GALNT9: variants seen among roughly 807,000 people sequenced by gnomAD.
GALNT9 encodes polypeptide N-acetylgalactosaminyltransferase 9.
GALNT9 carries 47 observed loss-of-function variants against 63.1 expected under a neutral mutation model. That is an observed-to-expected ratio of 0.75 (90% CI 0.59 to 0.95). The LOEUF (loss-of-function observed/expected upper bound fraction) is 0.95, where lower values mean the gene tolerates loss of function less well. Ranked by LOEUF, GALNT9 falls within the 40% of genes least tolerant of loss-of-function variation. GALNT9 has a pLI of 0.00. For missense variants in GALNT9, 829 were observed against 874.8 expected (o/e 0.95, Z 0.66); for synonymous variants, 396 against 365.7 (o/e 1.08, Z -0.94).
chr12:132,200,802 G>A, intron 8 of GALNT9: 1 of 363,148 alleles, frequency 2.8e-6, no homozygotes, highest in Non-Finnish European at 5.1e-6. Flanking sequence ...GAACACGCAT[G>A]GATGTGACTA....
At position 132,315,033 on chromosome 12, in the gene GALNT9, G is replaced by A. The variant is rs147825855; in HGVS notation, c.238+13933C>T. On this transcript the variant is annotated intron_variant, in intron 1 of 10. Coordinates refer to ENST00000328957, the MANE Select transcript of GALNT9 (RefSeq NM_001122636.2). This position sits in a 1 kb window ranked among gnomAD's most constrained non-coding sequence, Gnocchi z 6.1. ...CGTCCTCACAACAGAGGTGAGTGCT[G>A]TTCTCACCCCAATTTACAGATGAGG... Among the ~76,000 whole-genome samples, 451 of 152,342 alleles carry A rather than the reference G, an allele frequency of 3.0e-3. 1 individual carries two copies. The highest frequency in any genetic ancestry group is 9.8e-3 in the African/African-American group (406 of 41,574).
chr12:132,303,378 C>CA (rs1555244051), intron 1 of GALNT9, among the ~76,000 whole-genome samples: 6 of 147,364 alleles, frequency 4.1e-5, no homozygotes, highest in Non-Finnish European at 7.4e-5. Flanking sequence ...GCAGCACCCT[C>CA]TCCGGGGCAC....
Position 132,265,245 on chromosome 12 carries a change from C to T in GALNT9, c.420-2620G>A, listed in dbSNP as rs1394225986. Among the ~76,000 whole-genome samples the T allele has an allele frequency of 1.3e-5, 2 of 152,218 alleles. No homozygotes were observed. Among genetic ancestry groups the T allele is most frequent in the Non-Finnish European group, 2.9e-5 (2 of 68,042 alleles). ...GCCCCCAGCCTTGTCCTCCTGCGCT[C>T]CTGCTGGGGATGAGGGAGAGGCCAC... is the stretch of plus-strand genomic sequence containing the variant. On this transcript the variant is annotated intron_variant, in intron 2 of 10. Coordinates refer to ENST00000328957, the MANE Select transcript of GALNT9 (RefSeq NM_001122636.2). This position sits in a 1 kb window ranked among gnomAD's most constrained non-coding sequence, Gnocchi z 5.3.
intron 1 of GALNT9, among the ~76,000 whole-genome samples, chr12:132,313,350 T>A (rs1336488902): frequency 4.0e-5 from 3 of 75,616 alleles, no homozygotes; most frequent in African/African-American, 1.6e-4. Flanking sequence ...CCCATCCATC[T>A]CTCCACCCAC....
At chr12:132,257,153 C>T (rs1373088346) in intron 5 of GALNT9, among the ~76,000 whole-genome samples, 1 of 152,206 alleles carries the variant, frequency 6.6e-6, no homozygotes, top group Non-Finnish European at 1.5e-5. Flanking sequence ...ATTGGGTTCT[C>T]TGAATTTCAC....
chr12:132,251,943 C>CG (rs1878932828), intron 5 of GALNT9, among the ~76,000 whole-genome samples: 1 of 152,194 alleles, frequency 6.6e-6, no homozygotes, highest in African/African-American at 2.4e-5. Context: ...CCAGCTCCCC[C>CG]AGGCCTGCCC....
At chr12:132,241,000 G>A (rs1410026122) in intron 6 of GALNT9, among the ~76,000 whole-genome samples, 11 of 137,198 alleles carry the variant, frequency 8.0e-5, no homozygotes, top group African/African-American at 3.0e-4. Flanking sequence ...CCCTTCCCGG[G>A]GCCCTCCCTA....
At chr12:132,218,137 T>G (rs10902524) in intron 6 of GALNT9, among the ~76,000 whole-genome samples, 1 of 151,850 alleles carries the variant, frequency 6.6e-6, no homozygotes, top group Non-Finnish European at 1.5e-5. Context: ...CCTTCCTTCT[T>G]TCACCCACTC....
intron 4 of GALNT9, among the ~76,000 whole-genome samples, chr12:132,260,719 C>T (rs1398858627): frequency 1.3e-5 from 2 of 152,248 alleles, no homozygotes; most frequent in Non-Finnish European, 2.9e-5. Context: ...GCGTGCTGGG[C>T]CTGCCCTCCC....
chr12:132,311,435 G>GC (rs1327820379), intron 1 of GALNT9, among the ~76,000 whole-genome samples: 2 of 152,204 alleles, frequency 1.3e-5, no homozygotes, highest in Non-Finnish European at 2.9e-5. Flanking sequence ...AGCACAGGCA[G>GC]CCCCCAGGAG....
intron 4 of GALNT9, 100 bp downstream of exon 4, chr12:132,260,848 G>A: frequency 7.0e-7 from 1 of 1,423,800 alleles, no homozygotes; most frequent in East Asian, 2.6e-5. Flanking sequence ...CAGCCCCGGG[G>A]CCAACCCAGC....
At chr12:132,254,286 C>A (rs28533053) in intron 5 of GALNT9, among the ~76,000 whole-genome samples, 129,681 of 152,302 alleles carry the variant, frequency 0.85, 55,835 homozygotes, top group Non-Finnish European at 0.92. Context: ...CTGGAAATAC[C>A]GGCGTAAGCC....
At chr12:132,214,851 C>G (rs1465620638) in intron 6 of GALNT9, among the ~76,000 whole-genome samples, 1 of 152,230 alleles carries the variant, frequency 6.6e-6, no homozygotes, top group African/African-American at 2.4e-5. Context: ...TGTTCCTGCT[C>G]AGTTCTGTGG....
rs370018199 is a variant in GALNT9, at chr12:132,286,861, A to C, written c.239-431T>G. ...CCTGAGTAAATGGGTGGGCCTCCAC[A>C]ACTGGCAAATTTTTGTATTTTTAGT... On this transcript the variant is annotated intron_variant, in intron 1 of 10. Transcript: ENST00000328957. This position sits in a 1 kb window ranked among gnomAD's most constrained non-coding sequence, Gnocchi z 7.4. 5.2e-4 allele frequency among the ~76,000 whole-genome samples: 79 copies of C among 152,248 alleles called. No individual in the cohort carries two copies. The highest frequency in any genetic ancestry group is 1.8e-3 in the African/African-American group (76 of 41,538).
chr12:132,228,501 C>T (rs1292034416), intron 6 of GALNT9, among the ~76,000 whole-genome samples: 1 of 151,150 alleles, frequency 6.6e-6, no homozygotes, highest in African/African-American at 2.5e-5. Flanking sequence ...CTCCTCGCTC[C>T]CTCCCCAGAG....
In GALNT9 at chr12:132,329,123, G is replaced by A; in HGVS notation, c.81C>T (p.Tyr27=). ...CCTGGGAGCGGCCCTGCAGGCGGCA[G>A]TACACGGAGAACAGGACGATGCCCA... ...VFVGIVLFSV[Y]CRLQGRSQEL... is the part of the protein sequence containing the mutation. Residue 27 remains tyrosine, a synonymous_variant, in exon 1 of 11, where the codon TAC becomes TAT. Transcript: ENST00000328957. 6.5e-7 allele frequency: 1 copy of A among 1,549,670 alleles called. No homozygotes were observed. Among genetic ancestry groups the A allele is most frequent in the East Asian group, 2.4e-5 (1 of 40,894 alleles).
chr12:132,258,731 C>T (rs868981431), intron 4 of GALNT9, among the ~76,000 whole-genome samples: 1 of 152,198 alleles, frequency 6.6e-6, no homozygotes, highest in Non-Finnish European at 1.5e-5. Context: ...CCTCGATGGG[C>T]ATCAGCTCAG....
At chr12:132,292,657 G>A (rs982485353) in intron 1 of GALNT9, among the ~76,000 whole-genome samples, 23 of 152,214 alleles carry the variant, frequency 1.5e-4, no homozygotes, top group African/African-American at 4.6e-4. Context: ...CACTGAAGCC[G>A]GACACCAGGC....
intron 6 of GALNT9, among the ~76,000 whole-genome samples, chr12:132,229,585 C>A (rs1206524329): frequency 6.6e-6 from 1 of 152,252 alleles, no homozygotes; most frequent in Non-Finnish European, 1.5e-5. Context: ...CTCATGAGCA[C>A]GCGTGACGGG....
Sources: allele counts gnomAD v4.1 joint callset (sites outside exome capture counted in the v4.1 genomes callset), GRCh38; gene constraint gnomAD v4.1.1; non-coding constraint Gnocchi (gnomAD v3.1); transcripts MANE v1.5; gene names NCBI Gene and HGNC (gene_info 2026-07-23, HGNC 2026-07-21).